The following LPP variants were observed in gnomAD, a reference collection of about 807,000 sequenced individuals.
LPP encodes LIM domain containing preferred translocation partner in lipoma.
LPP carries 38 observed loss-of-function variants against 60.4 expected under a neutral mutation model. That is an observed-to-expected ratio of 0.63 (90% CI 0.49 to 0.83). LPP has a LOEUF of 0.83. LPP is among the 40% of genes least tolerant of loss of function. The pLI, the probability that LPP is intolerant of heterozygous loss-of-function variation, is 0.00. For missense variants in LPP, 902 were observed against 783.6 expected, an observed-to-expected ratio of 1.15 and a Z score of -1.80; for synonymous variants, 328 against 290.8, an observed-to-expected ratio of 1.13 and a Z score of -1.30.
At chr3:188,423,872 G>T (rs1788554353) in intron 4 of LPP, among the ~76,000 whole-genome samples, 1 of 148,552 alleles carries the variant, frequency 6.7e-6, no homozygotes, top group Non-Finnish European at 1.5e-5. Flanking sequence ...CAGATGGATA[G>T]ATTGCACGCT....
At chr3:188,205,132 T>A (rs1225885978) in intron 1 of LPP, among the ~76,000 whole-genome samples, 2 of 152,166 alleles carry the variant, frequency 1.3e-5, no homozygotes, top group Non-Finnish European at 2.9e-5. Context: ...TCAACTAGTT[T>A]ATTAGCTAAT....
chr3:188,400,841 A>G (rs1476966341), intron 3 of LPP, among the ~76,000 whole-genome samples: 6 of 152,154 alleles, frequency 3.9e-5, no homozygotes, highest in Admixed American at 3.9e-4. Flanking sequence ...TGGTCCAGCA[A>G]CACCAGTTCT....
chr3:188,568,037 G>A (rs534973070), intron 6 of LPP: 25 of 152,010 alleles, frequency 1.6e-4, no homozygotes, highest in African/African-American at 5.3e-4. Flanking sequence ...TCACTTACTG[G>A]ACCCAATTGT....
At chr3:188,226,795 A>T (rs1409890529) in intron 2 of LPP, among the ~76,000 whole-genome samples, 1 of 152,348 alleles carries the variant, frequency 6.6e-6, no homozygotes, top group South Asian at 2.1e-4. Context: ...TTCATTTAAA[A>T]GTGTGACTGA....
intron 2 of LPP, among the ~76,000 whole-genome samples, chr3:188,261,372 A>G (rs1436070053): frequency 6.6e-6 from 1 of 152,142 alleles, no homozygotes; most frequent in Non-Finnish European, 1.5e-5. Context: ...ACACACACAC[A>G]CATACACACA....
At chr3:188,408,992 T>G (rs1389256443) in intron 4 of LPP, among the ~76,000 whole-genome samples, 1 of 152,212 alleles carries the variant, frequency 6.6e-6, no homozygotes, top group African/African-American at 2.4e-5. Flanking sequence ...ACATGGTTTC[T>G]CACTCGTCCT....
chr3:188,660,865 A>G lies in LPP; in HGVS notation c.1114-47402A>G, dbSNP rs1854425451. Among the ~76,000 whole-genome samples, 3 of 152,208 alleles carry G rather than the reference A, an allele frequency of 2.0e-5. No homozygotes were observed. The South Asian group carries it at 6.2e-4, about 31-fold the overall frequency. ...GTCACATAATTGTCACCCAAAGTCCATAGTTTACATTAGCATTGACTCTTG... is the reference window on the plus strand; with the variant it reads ...GTCACATAATTGTCACCCAAAGTCCGTAGTTTACATTAGCATTGACTCTTG... On this transcript the variant is annotated intron_variant, in intron 7 of 11. Transcript: ENST00000617246.
intron 5 of LPP, among the ~76,000 whole-genome samples, chr3:188,512,639 A>T (rs138090771): frequency 5.3e-4 from 80 of 152,212 alleles, no homozygotes; most frequent in Admixed American, 3.3e-3. Flanking sequence ...GCTTTGCTTT[A>T]TATCTCTGAG....
In LPP at chr3:188,890,040, C is replaced by G. The variant is rs1314971025; in HGVS notation, c.*15561C>G. 4.7e-6 allele frequency: 1 copy of G among 213,948 alleles called. No homozygotes were observed. The highest frequency in any genetic ancestry group is 5.8e-5 in the Admixed American group (1 of 17,102). 13.3% of individuals were successfully genotyped at this position (213,948 alleles called of 1,614,324 possible). On this transcript the variant is annotated 3_prime_UTR_variant, in exon 12 of 12. Transcript: ENST00000617246. ...GGAAGAAACACAGCATGGCTTTGCT[C>G]TGAGTTTCAATCTGATGATTATGAC...
rs79446792 is a variant in LPP at position 188,349,757 on chromosome 3, G to A, written c.-10+8038G>A. On this transcript the variant is annotated intron_variant, in intron 3 of 11. Transcript: ENST00000617246. ...TACCACAGTGGTAAAAGCAGTAGCC[G>A]AAAAGGTGGCAGCACTGAGACCTGT... 2.4e-3 allele frequency among the ~76,000 whole-genome samples: 368 copies of A among 152,328 alleles called. 1 individual carries two copies. Among genetic ancestry groups the A allele is most frequent in the East Asian group, 0.022 (113 of 5,180 alleles).
Position 188,667,792 on chromosome 3 carries a change from G to A in LPP, c.1114-40475G>A, listed in dbSNP as rs114518340. On this transcript the variant is annotated intron_variant, in intron 7 of 11. Transcript: ENST00000617246. Reference sequence around the variant, plus strand: ...TTGTTATAGTTTTTTTTTTTCTTCCGTATTGTTTTTAATGGCAATGTAAAA... The same window carrying A: ...TTGTTATAGTTTTTTTTTTTCTTCCATATTGTTTTTAATGGCAATGTAAAA... Among the ~76,000 whole-genome samples, 900 of 148,622 alleles carry A rather than the reference G, an allele frequency of 6.1e-3. 10 individuals carry two copies. The highest frequency in any genetic ancestry group is 0.021 in the African/African-American group (856 of 40,254).
chr3:188,204,943 T>G (rs997017267), intron 1 of LPP, among the ~76,000 whole-genome samples: 8 of 152,214 alleles, frequency 5.3e-5, no homozygotes, highest in African/African-American at 1.7e-4. Context: ...CAGTAACTCT[T>G]GCTTGCTATC....
intron 5 of LPP, among the ~76,000 whole-genome samples, chr3:188,523,152 C>A (rs909001446): frequency 6.6e-5 from 10 of 152,028 alleles, no homozygotes; most frequent in African/African-American, 2.4e-4. Flanking sequence ...GATAATCCAC[C>A]CGCCTTGGCC....
intron 6 of LPP, among the ~76,000 whole-genome samples, chr3:188,590,310 T>G (rs1489430724): frequency 7.2e-5 from 11 of 152,168 alleles, no homozygotes. Flanking sequence ...CTGTGGCTCA[T>G]GCCTGTAATC....
At chr3:188,448,431 T>G (rs1795818013) in intron 4 of LPP, among the ~76,000 whole-genome samples, 1 of 145,136 alleles carries the variant, frequency 6.9e-6, no homozygotes. Context: ...TAGATAAAGA[T>G]ATCTATATTT....
chr3:188,626,053 C>T (rs2151641438), intron 7 of LPP, among the ~76,000 whole-genome samples: 1 of 152,176 alleles, frequency 6.6e-6, no homozygotes, highest in South Asian at 2.1e-4. Context: ...GATATATTCA[C>T]ATTTTATGAA....
At chr3:188,551,004 A>T in intron 6 of LPP, among the ~76,000 whole-genome samples, 1 of 152,290 alleles carries the variant, frequency 6.6e-6, no homozygotes, top group South Asian at 2.1e-4. Context: ...GAATTATATA[A>T]ATTTTTATAT....
At chr3:188,628,506 G>A (rs907813084) in intron 7 of LPP, among the ~76,000 whole-genome samples, 23 of 151,908 alleles carry the variant, frequency 1.5e-4, no homozygotes, top group Non-Finnish European at 2.7e-4. Context: ...TAGAAGAAAT[G>A]AATAAATTCC....
intron 4 of LPP, among the ~76,000 whole-genome samples, chr3:188,478,238 T>C (rs899971982): frequency 6.6e-6 from 1 of 152,202 alleles, no homozygotes; most frequent in Non-Finnish European, 1.5e-5. Flanking sequence ...GAAAGCATTG[T>C]CATGTATAAT....
Sources: allele counts gnomAD v4.1 joint callset (sites outside exome capture counted in the v4.1 genomes callset), GRCh38; gene constraint gnomAD v4.1.1; transcripts MANE v1.5; gene names NCBI Gene and HGNC (gene_info 2026-07-23, HGNC 2026-07-21).